The following TMEM14A variants were observed in gnomAD, a reference collection of about 807,000 sequenced individuals.
TMEM14A encodes the protein transmembrane protein 14A.
A neutral mutation model predicts 11.6 loss-of-function variants in TMEM14A; 8 were observed. The ratio of observed to expected loss-of-function variants is 0.69; its 90% CI spans 0.40 to 1.24. TMEM14A has a LOEUF of 1.24. Among genes scored for constraint, TMEM14A ranks in the 50% most tolerant of loss-of-function variants. TMEM14A has a pLI of 0.01. For missense variants in TMEM14A, 108 were observed against 121.9 expected, an observed-to-expected ratio of 0.89 and a Z score of 0.54; for synonymous variants, 34 against 45.5, an observed-to-expected ratio of 0.75 and a Z score of 1.02.
chr6:52,680,708 C>CATATATGTAT (rs1554137490), intron 2 of TMEM14A, among the ~76,000 whole-genome samples: 9 of 21,532 alleles, frequency 4.2e-4, no homozygotes, highest in Non-Finnish European at 5.2e-4. Context: ...TATATATACA[C>CATATATGTAT]ATATATATAT....
intron 3 of TMEM14A, among the ~76,000 whole-genome samples, chr6:52,682,721 A>T (rs1210642809): frequency 6.6e-6 from 1 of 152,002 alleles, no homozygotes; most frequent in African/African-American, 2.4e-5. Context: ...TAAATAGTTC[A>T]CAAGTATTTA....
In TMEM14A at chr6:52,684,131, A is replaced by G. The variant is rs747360898; in HGVS notation, c.226A>G (p.Lys76Glu). ...IMGVRFKRSK[K>E]IMPAGLVAGL... ...GGGTGTGAGATTTAAGAGGTCCAAG[A>G]AAATAATGCCTGCTGGTTTGGTTGC... The change falls in exon 4 of 5, where the codon AAA becomes GAA. Residue 76 changes from lysine (K) to glutamate (E), a missense_variant. By Grantham distance (56) the Lys-to-Glu change is moderately conservative (BLOSUM62 1). Coordinates refer to ENST00000211314, the MANE Select transcript of TMEM14A (RefSeq NM_014051.4). 2 of 1,613,902 alleles carry G rather than the reference A, an allele frequency of 1.2e-6. No homozygotes were observed. The highest frequency in any genetic ancestry group is 2.2e-5 in the South Asian group (2 of 91,074).
At chr6:52,684,445 C>T (rs1769455591) in intron 4 of TMEM14A, among the ~76,000 whole-genome samples, 1 of 152,154 alleles carries the variant, frequency 6.6e-6, no homozygotes, top group African/African-American at 2.4e-5. Context: ...CTCATTTTTC[C>T]TCAAGATTCA....
intron 2 of TMEM14A, among the ~76,000 whole-genome samples, chr6:52,680,651 G>GTGTGTATATATATA (rs1769356002): frequency 3.0e-4 from 3 of 10,104 alleles, no homozygotes; most frequent in East Asian, 1.8e-3. Context: ...GTATATATAT[G>GTGTGTATATATATA]TGTGTGTATA....
chr6:52,677,786 A>G (rs527680255), intron 2 of TMEM14A, among the ~76,000 whole-genome samples: 1 of 152,288 alleles, frequency 6.6e-6, no homozygotes, highest in South Asian at 2.1e-4. Context: ...CTTACGTTTT[A>G]ATGACATTTT....
chr6:52,676,111 G>A (rs777671846), intron 1 of TMEM14A, among the ~76,000 whole-genome samples: 5 of 152,192 alleles, frequency 3.3e-5, no homozygotes, highest in Non-Finnish European at 5.9e-5. Flanking sequence ...TTTTATTTGG[G>A]TAAGTGGAAA....
intron 1 of TMEM14A, among the ~76,000 whole-genome samples, chr6:52,674,899 T>C (rs1347775565): frequency 1.3e-5 from 2 of 151,260 alleles, no homozygotes; most frequent in Non-Finnish European, 1.5e-5. Flanking sequence ...CTTTTTTTTT[T>C]TTTTTTTTTT....
chr6:52,683,480 CAACAAAAAAAA>C (rs1769430577), intron 3 of TMEM14A, among the ~76,000 whole-genome samples: 1 of 101,304 alleles, frequency 9.9e-6, no homozygotes, highest in African/African-American at 3.9e-5. Flanking sequence ...ACAACAACAA[CAACAAAAAAAA>C]AAAAAAGAAA....
At chr6:52,674,458 G>A (rs1312725713) in intron 1 of TMEM14A, among the ~76,000 whole-genome samples, 1 of 152,132 alleles carries the variant, frequency 6.6e-6, no homozygotes, top group African/African-American at 2.4e-5. Context: ...GGCATTGCTT[G>A]CATTCTCTGT....
At chr6:52,680,589 A>ATT (rs1382495543) in intron 2 of TMEM14A, among the ~76,000 whole-genome samples, 1 of 89,760 alleles carries the variant, frequency 1.1e-5, no homozygotes, top group Non-Finnish European at 2.4e-5. Context: ...ATATATTTAT[A>ATT]TATTTATATA....
rs1241526053 is a variant in TMEM14A at position 52,680,708 on chromosome 6, C to CACACAT, written c.71-1104_71-1103insCACATA. On this transcript the variant is annotated intron_variant, in intron 2 of 4. Transcript: ENST00000211314. Reference sequence around the variant, plus strand: ...ACATATATGTATATATATATATACACATATATATATGGCATGGATGATTAA... The same window carrying CACACAT: ...ACATATATGTATATATATATATACACACACATATATATATATGGCATGGATGATTAA... Among the ~76,000 whole-genome samples, 15 of 21,548 alleles carry CACACAT rather than the reference C, an allele frequency of 7.0e-4. 1 individual carries two copies. In the East Asian group the frequency reaches 0.024, roughly 35 times the overall value. The allele number at this position is 21,548 out of a possible 152,430, so 14.1% of individuals were successfully genotyped here. A position where few individuals can be genotyped will look rare whatever the true frequency, so the allele number is the denominator to read the frequency against.
At chr6:52,683,485 A>ACAACAACAACAACAACAACAAC (rs199587577) in intron 3 of TMEM14A, among the ~76,000 whole-genome samples, 1 of 86,634 alleles carries the variant, frequency 1.2e-5, no homozygotes, top group Non-Finnish European at 2.5e-5. Flanking sequence ...AACAACAACA[A>ACAACAACAACAACAACAACAAC]AAAAAAAAAA....
intron 4 of TMEM14A, 121 bp downstream of exon 4, chr6:52,684,286 G>A: frequency 2.3e-6 from 2 of 854,910 alleles, no homozygotes; most frequent in Non-Finnish European, 1.8e-6. Context: ...AAGCATGACA[G>A]TAAAAACCTT....
At chr6:52,679,194 G>T (rs1769319394) in intron 2 of TMEM14A, among the ~76,000 whole-genome samples, 1 of 152,184 alleles carries the variant, frequency 6.6e-6, no homozygotes, top group African/African-American at 2.4e-5. Context: ...AGGGCAGCCA[G>T]TGGCGGGACA....
intron 2 of TMEM14A, among the ~76,000 whole-genome samples, chr6:52,680,704 T>TACATATATATATATATATAC (rs1554137485): frequency 0.044 from 2,226 of 51,054 alleles, 306 homozygotes; most frequent in African/African-American, 0.094. Flanking sequence ...TATATATATA[T>TACATATATATATATATATAC]ACACATATAT....
In TMEM14A at chr6:52,683,486, A is replaced by AAC. The variant is rs1561876054; in HGVS notation, c.173-591_173-590insCA. ...ACAACAACAACAACAACAACAACAAAAAAAAAAAAAAGAAAAAGAAAAGGT... is the reference window on the plus strand; with the variant it reads ...ACAACAACAACAACAACAACAACAAAACAAAAAAAAAAAGAAAAAGAAAAGGT... On this transcript the variant is annotated intron_variant, in intron 3 of 4. Coordinates refer to ENST00000211314, the MANE Select transcript of TMEM14A (RefSeq NM_014051.4). Among the ~76,000 whole-genome samples, 79 of 98,132 alleles carry AAC rather than the reference A, an allele frequency of 8.1e-4. 1 individual carries two copies. In the South Asian group the frequency reaches 9.0e-3, roughly 11 times the overall value. The allele number at this position is 98,132 out of a possible 152,430, so 64.4% of individuals were successfully genotyped here.
chr6:52,680,587 A>T (rs866246262), intron 2 of TMEM14A, among the ~76,000 whole-genome samples: 146 of 92,620 alleles, frequency 1.6e-3, no homozygotes, highest in Middle Eastern at 5.4e-3. Flanking sequence ...CTATATATTT[A>T]TATATTTATA....
Position 52,680,937 on chromosome 6 carries a change from G to A in TMEM14A, c.71-876G>A, listed in dbSNP as rs111880029. Among the ~76,000 whole-genome samples the A allele has an allele frequency of 2.4e-3, 368 of 150,432 alleles. 1 individual carries two copies. Among genetic ancestry groups the A allele is most frequent in the African/African-American group, 8.7e-3 (356 of 41,024 alleles). On this transcript the variant is annotated intron_variant, in intron 2 of 4. Transcript: ENST00000211314. The stretch of plus-strand genomic sequence containing the variant: ...GTGTGTTTGTGTGTGTGTGTGTATT[G>A]TGTGTGTATGCATGCATGTGCTGCA...
chr6:52,678,270 T>G (rs1425958882), intron 2 of TMEM14A, among the ~76,000 whole-genome samples: 1 of 151,878 alleles, frequency 6.6e-6, no homozygotes, highest in African/African-American at 2.4e-5. Context: ...TTGCCTGCCT[T>G]TATGAGAGGT....
Sources: allele counts gnomAD v4.1 joint callset (sites outside exome capture counted in the v4.1 genomes callset), GRCh38; gene constraint gnomAD v4.1.1; transcripts MANE v1.5; gene names NCBI Gene and HGNC (gene_info 2026-07-23, HGNC 2026-07-21).